The following KIF26B variants were observed in gnomAD, a reference collection of about 807,000 sequenced individuals.
KIF26B encodes kinesin-like protein KIF26B.
Under a neutral mutation model 151.2 loss-of-function variants are expected in KIF26B, and 63 were observed. The ratio of observed to expected loss-of-function variants is 0.42; its 90% confidence interval spans 0.34 to 0.51. The LOEUF (loss-of-function observed/expected upper bound fraction) is 0.51. KIF26B is among the 20% of genes least tolerant of loss of function. The pLI, the probability that KIF26B is intolerant of heterozygous loss-of-function variation, is 0.07. For synonymous variants in KIF26B, 1,357 were observed against 1,262.1 expected (o/e 1.08, Z -1.59); for missense variants, 2,813 against 2,913.6 (o/e 0.97, Z 0.79).
At chr1:245,319,327 A>G (rs1008449470) in intron 2 of KIF26B, among the ~76,000 whole-genome samples, 1 of 152,190 alleles carries the variant, frequency 6.6e-6, no homozygotes, top group African/African-American at 2.4e-5. Context: ...GTGGGTGACA[A>G]TGTGGCATTT....
At chr1:245,556,507 C>G (rs1662043345) in intron 5 of KIF26B, among the ~76,000 whole-genome samples, 1 of 152,234 alleles carries the variant, frequency 6.6e-6, no homozygotes, top group South Asian at 2.1e-4. Flanking sequence ...TCAAGCGATC[C>G]TCTCACCTTA....
At chr1:245,617,946 T>C (rs1317727028) in intron 9 of KIF26B, among the ~76,000 whole-genome samples, 2 of 152,156 alleles carry the variant, frequency 1.3e-5, no homozygotes, top group African/African-American at 4.8e-5. Flanking sequence ...CTCCTGGCAT[T>C]CTTCCTCCTG....
At chr1:245,392,890 G>A (rs1310927260) in intron 3 of KIF26B, among the ~76,000 whole-genome samples, 1 of 152,022 alleles carries the variant, frequency 6.6e-6, no homozygotes, top group Admixed American at 6.6e-5. Context: ...ATTTTGGGGG[G>A]CTGGGTGCGG....
At chr1:245,382,084 C>G (rs926355824) in intron 3 of KIF26B, among the ~76,000 whole-genome samples, 1 of 152,074 alleles carries the variant, frequency 6.6e-6, no homozygotes, top group African/African-American at 2.4e-5. Flanking sequence ...TGGATATATC[C>G]AGAAGTAGAA....
intron 2 of KIF26B, among the ~76,000 whole-genome samples, chr1:245,281,922 C>T (rs1356660661): frequency 6.6e-5 from 10 of 151,316 alleles, no homozygotes; most frequent in East Asian, 5.9e-4. Flanking sequence ...TGTAGATATG[C>T]GGTGTTATTT....
At chr1:245,559,390 G>A (rs1234084631) in intron 5 of KIF26B, among the ~76,000 whole-genome samples, 1 of 152,104 alleles carries the variant, frequency 6.6e-6, no homozygotes, top group East Asian at 1.9e-4. Context: ...TTTTACTACG[G>A]TGAGTAACAA....
chr1:245,635,035 T>C (rs1413616704), intron 9 of KIF26B, among the ~76,000 whole-genome samples: 4 of 151,784 alleles, frequency 2.6e-5, no homozygotes, highest in African/African-American at 9.7e-5. Context: ...TATGGCTCTT[T>C]AATATTTTAT....
chr1:245,255,858 G>A (rs1670523997), intron 2 of KIF26B, among the ~76,000 whole-genome samples: 1 of 152,142 alleles, frequency 6.6e-6, no homozygotes, highest in African/African-American at 2.4e-5. Flanking sequence ...CCAGAGAGTA[G>A]CAATTTCTAA....
chr1:245,486,845 A>G (rs909030281), intron 4 of KIF26B, among the ~76,000 whole-genome samples: 2 of 152,022 alleles, frequency 1.3e-5, no homozygotes, highest in African/African-American at 4.8e-5. Context: ...TAACGTTTCC[A>G]CTTTTTGCAG....
chr1:245,433,415 C>T (rs1197018843), intron 4 of KIF26B, among the ~76,000 whole-genome samples: 6 of 149,658 alleles, frequency 4.0e-5, no homozygotes, highest in East Asian at 1.9e-4. Flanking sequence ...TGCAGTGAGC[C>T]GAGATTGCGC....
chr1:245,173,679 C>CT (rs1428299628), intron 2 of KIF26B, among the ~76,000 whole-genome samples: 1 of 152,228 alleles, frequency 6.6e-6, no homozygotes, highest in Non-Finnish European at 1.5e-5. Context: ...AGGCTCACTG[C>CT]AGTCCCTTGG....
intron 4 of KIF26B, among the ~76,000 whole-genome samples, chr1:245,429,001 G>A (rs955053747): frequency 5.3e-5 from 8 of 151,746 alleles, no homozygotes; most frequent in Admixed American, 5.3e-4. Flanking sequence ...GGGGGCAGTG[G>A]TTAGGAGAGA....
At chr1:245,445,494 G>A (rs1214419733) in intron 4 of KIF26B, among the ~76,000 whole-genome samples, 2 of 152,236 alleles carry the variant, frequency 1.3e-5, no homozygotes, top group Non-Finnish European at 2.9e-5. Context: ...GTATGTGTGT[G>A]TATGCATGCA....
In KIF26B at chr1:245,687,936, C is replaced by A. The variant is rs1408030553; in HGVS notation, c.4953C>A (p.Ser1651Arg). 3 of 1,594,684 alleles carry A rather than the reference C, an allele frequency of 1.9e-6. No individual in the cohort carries two copies. Among genetic ancestry groups the A allele is most frequent in the Non-Finnish European group, 2.6e-6 (3 of 1,172,432 alleles). Residue 1651 changes from serine to arginine, a missense_variant, in exon 12 of 15, where the codon AGC becomes AGA. By Grantham distance (110) the Ser-to-Arg change is moderately radical. Transcript: ENST00000407071. The surrounding 1 kb of genome is among the most constrained non-coding windows in gnomAD (Gnocchi z 4.9). ...PSGKTKDASS[S>R]SKLFSAKLEQ... ...GCAAGACGAAGGACGCCAGCAGCAG[C>A]AGCAAGCTCTTCAGTGCCAAGCTGG...
At chr1:245,567,639 T>C (rs1401005331) in intron 5 of KIF26B, among the ~76,000 whole-genome samples, 2 of 152,196 alleles carry the variant, frequency 1.3e-5, no homozygotes, top group African/African-American at 4.8e-5. Context: ...AACCAAACCA[T>C]GCTGCTCCCC....
At chr1:245,388,820 C>T (rs1472717611) in intron 3 of KIF26B, among the ~76,000 whole-genome samples, 3 of 152,162 alleles carry the variant, frequency 2.0e-5, no homozygotes, top group African/African-American at 7.2e-5. Flanking sequence ...TGTTTCTGAA[C>T]ACTGGACCAG....
chr1:245,681,399 T>TG (rs2044437379), intron 10 of KIF26B, among the ~76,000 whole-genome samples: 1 of 152,092 alleles, frequency 6.6e-6, no homozygotes, highest in Admixed American at 6.6e-5. Flanking sequence ...TTGGTAGAGA[T>TG]GGGGTTTCAC....
chr1:245,202,844 G>C (rs558058255), intron 2 of KIF26B, among the ~76,000 whole-genome samples: 2 of 151,860 alleles, frequency 1.3e-5, no homozygotes, highest in South Asian at 4.2e-4. Context: ...AGGAGGCTGA[G>C]GCATGAGAAT....
chr1:245,180,848 T>A (rs1668894065), intron 2 of KIF26B, among the ~76,000 whole-genome samples: 1 of 152,104 alleles, frequency 6.6e-6, no homozygotes, highest in Non-Finnish European at 1.5e-5. Context: ...GTTTTTTTCT[T>A]TTTTAGAGGT....
Sources: allele counts gnomAD v4.1 joint callset (sites outside exome capture counted in the v4.1 genomes callset), GRCh38; gene constraint gnomAD v4.1.1; non-coding constraint Gnocchi (gnomAD v3.1); transcripts MANE v1.5; gene names NCBI Gene and HGNC (gene_info 2026-07-23, HGNC 2026-07-21).